The following CPNE4 variants were observed in gnomAD, a reference collection of about 807,000 sequenced individuals.
CPNE4 encodes the protein copine-4.
CPNE4 carries 25 observed loss-of-function variants against 67.9 expected under a neutral mutation model. The observed-to-expected ratio is 0.37, with a 90% CI of 0.27 to 0.51. CPNE4 has a LOEUF of 0.51. Among genes scored for constraint, CPNE4 ranks in the 20% least tolerant of loss-of-function variants. CPNE4 has a pLI of 0.93. For synonymous variants in CPNE4, 242 were observed against 244.9 expected (o/e 0.99, Z 0.11); for missense variants, 464 against 690.8 (o/e 0.67, Z 3.68).
chr3:131,584,364 C>T (rs1384960727), intron 8 of CPNE4, among the ~76,000 whole-genome samples: 8 of 152,144 alleles, frequency 5.3e-5, no homozygotes, highest in African/African-American at 1.2e-4. Flanking sequence ...ACCTCGCTAC[C>T]ACAATTCTTC....
At chr3:131,535,443 C>A in intron 15 of CPNE4, 114 bp from the exon 16 acceptor site, 1 of 1,086,790 alleles carries the variant, frequency 9.2e-7, no homozygotes, top group South Asian at 2.0e-5. Flanking sequence ...TTCATTCATT[C>A]GTTATTTGTC....
chr3:131,670,949 C>T (rs2080396368), intron 6 of CPNE4, among the ~76,000 whole-genome samples: 1 of 152,098 alleles, frequency 6.6e-6, no homozygotes, highest in Admixed American at 6.6e-5. Context: ...CCACCACACC[C>T]AGCTAATTTT....
At chr3:131,789,761 C>A (rs535810586) in intron 2 of CPNE4, among the ~76,000 whole-genome samples, 18 of 152,160 alleles carry the variant, frequency 1.2e-4, no homozygotes, top group Non-Finnish European at 2.1e-4. Context: ...TATATAACCT[C>A]TGTTTTTAAG....
chr3:131,952,548 C>T lies in CPNE4; in HGVS notation c.-1-47104G>A, dbSNP rs1484454124. Among the ~76,000 whole-genome samples the T allele has an allele frequency of 1.6e-4, 16 of 99,780 alleles. 1 individual carries two copies. In the South Asian group the frequency reaches 4.6e-3, roughly 29 times the overall value. The allele number at this position is 99,780 out of a possible 152,430, so 65.5% of individuals were successfully genotyped here. ...GGGCGTCAGCCTCCCGCCCGGCCAG[C>T]CACCCCATCCGGGAGGGAGGTGGGG... On this transcript the variant is annotated intron_variant, in intron 1 of 15. Transcript: ENST00000429747.
At chr3:131,820,730 C>T (rs1401048000) in intron 2 of CPNE4, among the ~76,000 whole-genome samples, 1 of 152,138 alleles carries the variant, frequency 6.6e-6, no homozygotes, top group South Asian at 2.1e-4. Context: ...ATCCCAGAAA[C>T]ACACACTCAT....
intron 1 of CPNE4, among the ~76,000 whole-genome samples, chr3:131,991,590 G>A (rs546909150): frequency 7.3e-6 from 1 of 136,362 alleles, no homozygotes; most frequent in Non-Finnish European, 1.7e-5. Context: ...GAACATTAAA[G>A]TTTGGAAGAT....
At chr3:131,586,803 T>A (rs1290781600) in intron 8 of CPNE4, among the ~76,000 whole-genome samples, 1 of 152,098 alleles carries the variant, frequency 6.6e-6, no homozygotes, top group African/African-American at 2.4e-5. Context: ...AGTGTGTGTA[T>A]CTGAGGGAAA....
chr3:131,916,427 G>A (rs2089188279), intron 1 of CPNE4, among the ~76,000 whole-genome samples: 1 of 151,412 alleles, frequency 6.6e-6, no homozygotes, highest in Non-Finnish European at 1.5e-5. Context: ...GAAGCCAGAA[G>A]CCAGTTTACT....
chr3:131,598,001 G>A (rs1938992741), intron 7 of CPNE4, among the ~76,000 whole-genome samples: 1 of 152,180 alleles, frequency 6.6e-6, no homozygotes, highest in Admixed American at 6.5e-5. Context: ...TGCACTGCAA[G>A]GGGAAGGGAA....
At chr3:131,978,549 T>A (rs1415646319) in intron 1 of CPNE4, among the ~76,000 whole-genome samples, 3 of 92,432 alleles carry the variant, frequency 3.2e-5, no homozygotes, top group African/African-American at 4.1e-5. Flanking sequence ...TAAATATATA[T>A]ATATATATAT....
chr3:131,961,873 T>C (rs1279378162), intron 1 of CPNE4, among the ~76,000 whole-genome samples: 1 of 152,060 alleles, frequency 6.6e-6, no homozygotes, highest in Non-Finnish European at 1.5e-5. Flanking sequence ...CTTCTCCCTT[T>C]TCCCTACTCA....
intron 1 of CPNE4, among the ~76,000 whole-genome samples, chr3:131,953,591 A>G (rs1583506803): frequency 6.6e-6 from 1 of 152,202 alleles, no homozygotes; most frequent in South Asian, 2.1e-4. Flanking sequence ...GTGGCGTATT[A>G]TCTTTTGCAG....
At chr3:131,548,807 G>A (rs1018128481) in intron 14 of CPNE4, among the ~76,000 whole-genome samples, 3 of 152,164 alleles carry the variant, frequency 2.0e-5, no homozygotes, top group Non-Finnish European at 4.4e-5. Context: ...CTCCAAGTAT[G>A]ATGAGAAGTA....
chr3:131,625,042 G>A (rs1284823478), intron 7 of CPNE4, among the ~76,000 whole-genome samples: 1 of 152,126 alleles, frequency 6.6e-6, no homozygotes, highest in Non-Finnish European at 1.5e-5. Flanking sequence ...ATCTAGGTTT[G>A]CCATCTCTTT....
intron 6 of CPNE4, among the ~76,000 whole-genome samples, chr3:131,680,911 T>C (rs2080734522): frequency 1.3e-5 from 2 of 152,204 alleles, no homozygotes; most frequent in Non-Finnish European, 1.5e-5. Context: ...AGTGAGAACA[T>C]ATAATATTTG....
intron 5 of CPNE4, among the ~76,000 whole-genome samples, chr3:131,688,570 G>A (rs972456133): frequency 3.3e-5 from 5 of 152,152 alleles, no homozygotes; most frequent in African/African-American, 1.2e-4. Flanking sequence ...GGCTCCTCCT[G>A]TAACTTCACG....
chr3:131,990,224 A>G (rs1368976721), intron 1 of CPNE4, among the ~76,000 whole-genome samples: 1 of 136,862 alleles, frequency 7.3e-6, no homozygotes, highest in African/African-American at 2.4e-5. Flanking sequence ...TCTAAAAGAA[A>G]AGATACAATC....
At chr3:131,535,447 A>G (rs1331995341) in intron 15 of CPNE4, 118 bp from the exon 16 acceptor site, 2 of 1,042,042 alleles carry the variant, frequency 1.9e-6, no homozygotes, top group East Asian at 2.6e-5. Flanking sequence ...TTCATTCGTT[A>G]TTTGTCAAGG....
chr3:132,001,975 C>A (rs1418685873), intron 1 of CPNE4, among the ~76,000 whole-genome samples: 1 of 152,022 alleles, frequency 6.6e-6, no homozygotes, highest in Non-Finnish European at 1.5e-5. Context: ...TATTTATGAT[C>A]CTTTCCAAAC....
Sources: gnomAD v4.1 joint callset for allele counts (sites outside exome capture counted in the v4.1 genomes callset) on GRCh38, gnomAD v4.1.1 for gene constraint, MANE v1.5 for transcripts, NCBI Gene and HGNC (gene_info 2026-07-23, HGNC 2026-07-21) for gene names.